ASPH: variants seen among roughly 807,000 people sequenced by gnomAD.
The protein encoded by ASPH is aspartate beta-hydroxylase.
A neutral mutation model predicts 118.4 loss-of-function variants in ASPH; 100 were observed. The ratio of observed to expected loss-of-function variants is 0.84; its 90% CI spans 0.72 to 1.00. The LOEUF is 1.00. Among genes scored for constraint, ASPH ranks in the 50% least tolerant of loss-of-function variants. ASPH has a pLI of 0.00. For synonymous variants in ASPH, 315 were observed against 325.6 expected (o/e 0.97, Z 0.35); for missense variants, 920 against 919.5 (o/e 1.00, Z -0.01).
intron 14 of ASPH, among the ~76,000 whole-genome samples, chr8:61,586,717 G>A (rs1221626624): frequency 6.6e-6 from 1 of 152,212 alleles, no homozygotes; most frequent in African/African-American, 2.4e-5. Context: ...ATGGAAAGAA[G>A]TGGATACTTA....
At chr8:61,559,257 T>C (rs1009622250) in intron 18 of ASPH, among the ~76,000 whole-genome samples, 1 of 152,230 alleles carries the variant, frequency 6.6e-6, no homozygotes, top group East Asian at 1.9e-4. Context: ...ATATAACATA[T>C]AGTACATATA....
chr8:61,548,602 T>C (rs1030047911), intron 20 of ASPH, among the ~76,000 whole-genome samples: 6 of 152,202 alleles, frequency 3.9e-5, no homozygotes, highest in Non-Finnish European at 7.3e-5. Context: ...TTTAATAATT[T>C]CTTCAAAGAT....
intron 13 of ASPH, among the ~76,000 whole-genome samples, chr8:61,620,374 T>C (rs1588182112): frequency 6.6e-6 from 1 of 151,358 alleles, no homozygotes; most frequent in East Asian, 1.9e-4. Context: ...AACCACTGTG[T>C]ACCTTTCTTC....
intron 14 of ASPH, chr8:61,607,107 C>T (rs1845814994): frequency 1.3e-5 from 7 of 540,878 alleles, no homozygotes; most frequent in African/African-American, 7.8e-5. Context: ...ATTGTAGTTA[C>T]TTGCTTTGCT....
chr8:61,579,079 A>AG lies in ASPH; in HGVS notation c.1063-2222dup, dbSNP rs1225310241. 2.5e-5 allele frequency: 41 copies of AG among 1,610,700 alleles called. No individual in the cohort carries two copies. The Admixed American group carries it at 2.7e-4, about 10-fold the overall frequency. The stretch of plus-strand genomic sequence containing the variant: ...GAGAGCATGTACCAGATCAAGTATG[A>AG]GGAGCTGCAGAGTCTGGCTGGGAAG... On this transcript the variant is annotated intron_variant, in intron 15 of 24. Transcript: ENST00000379454.
intron 21 of ASPH, among the ~76,000 whole-genome samples, chr8:61,537,861 A>C (rs562089700): frequency 1.3e-5 from 2 of 151,766 alleles, no homozygotes; most frequent in Non-Finnish European, 2.9e-5. Context: ...AATAATAAAA[A>C]CTCACTGATT....
chr8:61,653,713 A>G lies in ASPH; in HGVS notation c.323-53T>C, dbSNP rs1463475850. On this transcript the variant is annotated intron_variant, in intron 3 of 24. Transcript: ENST00000379454. ...TTGAGTTTTTGTGGGGTTTTCTGTC[A>G]CATTAAACCAGGAAAAATAATATTT... The G allele has an allele frequency of 5.2e-6, 8 of 1,525,980 alleles. No homozygotes were observed. The African/African-American group carries it at 8.3e-5, about 16-fold the overall frequency. 94.5% of individuals were successfully genotyped at this position (1,525,980 alleles called of 1,614,324 possible). A position where few individuals can be genotyped will look rare whatever the true frequency, so the allele number is the denominator to read the frequency against.
chr8:61,600,575 T>C (rs1174777836), intron 14 of ASPH, among the ~76,000 whole-genome samples: 1 of 151,274 alleles, frequency 6.6e-6, no homozygotes, highest in East Asian at 1.9e-4. Context: ...AGCATTTCTA[T>C]ACACCATAGC....
chr8:61,562,382 AGTGTGTCT>A lies in ASPH; in HGVS notation c.1437+354_1437+361del, dbSNP rs1169641201. Among the ~76,000 whole-genome samples the A allele has an allele frequency of 1.3e-4, 4 of 31,134 alleles. No individual in the cohort carries two copies. In the East Asian group the frequency reaches 2.4e-3, roughly 19 times the overall value. The allele number at this position is 31,134 out of a possible 152,430, so 20.4% of individuals were successfully genotyped here. A position where few individuals can be genotyped will look rare whatever the true frequency, so the allele number is the denominator to read the frequency against. On this transcript the variant is annotated intron_variant, in intron 18 of 24. Transcript: ENST00000379454. ...CCAAAAAAAAAAAAAAAAAAAGGAA[AGTGTGTCT>A]GTGTGTGTGTGTGTGTGTGTGTGTG... is the stretch of plus-strand genomic sequence containing the variant.
intron 21 of ASPH, among the ~76,000 whole-genome samples, chr8:61,539,603 A>C (rs542889188): frequency 2.0e-5 from 3 of 151,738 alleles, no homozygotes; most frequent in South Asian, 2.1e-4. Flanking sequence ...CTATTAGGAG[A>C]CTGCCTTTCC....
intron 14 of ASPH, among the ~76,000 whole-genome samples, chr8:61,595,714 A>C (rs1842332536): frequency 6.6e-6 from 1 of 152,234 alleles, no homozygotes; most frequent in Non-Finnish European, 1.5e-5. Context: ...TGTCACACAC[A>C]GGGAAATAAA....
Position 61,683,100 on chromosome 8 carries a change from G to C in ASPH, c.253+939C>G, listed in dbSNP as rs538505403. Among the ~76,000 whole-genome samples the C allele has an allele frequency of 1.5e-4, 23 of 152,160 alleles. No individual in the cohort carries two copies. In the South Asian group the frequency reaches 4.8e-3, roughly 32 times the overall value. ...AGGCAGATACAAAAGATCATATAATGTATGGTTCCATTACATGAAATGCCC... is the reference window on the plus strand; with the variant it reads ...AGGCAGATACAAAAGATCATATAATCTATGGTTCCATTACATGAAATGCCC... On this transcript the variant is annotated intron_variant, in intron 2 of 24. Coordinates refer to ENST00000379454, the MANE Select transcript of ASPH (RefSeq NM_004318.4).
chr8:61,678,258 C>G (rs911283896), intron 3 of ASPH, among the ~76,000 whole-genome samples: 1 of 152,056 alleles, frequency 6.6e-6, no homozygotes, highest in African/African-American at 2.4e-5. Context: ...ATTTAGTCCT[C>G]GCATCATTTA....
At chr8:61,525,803 C>G (rs1815110839) in intron 22 of ASPH, among the ~76,000 whole-genome samples, 174 bp downstream of exon 22, 1 of 152,154 alleles carries the variant, frequency 6.6e-6, no homozygotes, top group Non-Finnish European at 1.5e-5. Flanking sequence ...CAAATAAGGG[C>G]TCAGATGTAG....
intron 24 of ASPH, among the ~76,000 whole-genome samples, chr8:61,510,885 G>A (rs114010318): frequency 1.4e-3 from 210 of 152,312 alleles, no homozygotes; most frequent in African/African-American, 4.8e-3. Context: ...ATGAAGATGG[G>A]AGAATATCTT....
At chr8:61,641,075 T>A (rs1211999040) in intron 10 of ASPH, among the ~76,000 whole-genome samples, 1 of 152,218 alleles carries the variant, frequency 6.6e-6, no homozygotes, top group Non-Finnish European at 1.5e-5. Flanking sequence ...TTCAATTAGA[T>A]CTATTTGTTT....
At chr8:61,607,660 C>A (rs1324153700) in intron 14 of ASPH, among the ~76,000 whole-genome samples, 1 of 151,860 alleles carries the variant, frequency 6.6e-6, no homozygotes, top group African/African-American at 2.4e-5. Flanking sequence ...GCATGAGAGA[C>A]CCATGAATCG....
At chr8:61,561,877 A>G (rs1233346687) in intron 18 of ASPH, among the ~76,000 whole-genome samples, 1 of 152,218 alleles carries the variant, frequency 6.6e-6, no homozygotes, top group African/African-American at 2.4e-5. Flanking sequence ...GAGGTGAGCT[A>G]TATCATGTCA....
intron 20 of ASPH, among the ~76,000 whole-genome samples, chr8:61,549,122 G>A (rs1170088686): frequency 6.6e-6 from 1 of 152,118 alleles, no homozygotes; most frequent in Non-Finnish European, 1.5e-5. Context: ...TAATTCAAAT[G>A]TATTTTTGAT....
Sources: gnomAD v4.1 joint callset for allele counts (sites outside exome capture counted in the v4.1 genomes callset) on GRCh38, gnomAD v4.1.1 for gene constraint, MANE v1.5 for transcripts, NCBI Gene and HGNC (gene_info 2026-07-23, HGNC 2026-07-21) for gene names.